Variants in DMD observed in about 807,000 individuals in gnomAD.
DMD encodes dystrophin.
A neutral mutation model predicts 330.1 loss-of-function variants in DMD; 63 were observed. The observed-to-expected ratio is 0.19, with a 90% CI of 0.16 to 0.24. DMD has a LOEUF of 0.24. DMD is among the 10% of genes least tolerant of loss of function. The pLI is 1.00. For missense variants in DMD, 3,344 were observed against 2,684.1 expected, an observed-to-expected ratio of 1.25 and a Z score of -5.43; for synonymous variants, 1,223 against 959.8, an observed-to-expected ratio of 1.27 and a Z score of -5.07.
intron 9 of DMD, among the ~76,000 whole-genome samples, chrX:32,650,214 TG>T (rs1464045349): frequency 4.5e-5 from 5 of 111,992 alleles, no homozygotes; most frequent in Non-Finnish European, 9.4e-5. Context: ...ACTGATAAAA[TG>T]GATTTTGGCA....
At position 32,147,120 on chromosome X, in the gene DMD, T is replaced by C. The variant is rs1437462883; in HGVS notation, c.6438+69796A>G. ...TAGCATACTGTAATAAACATCCATA[T>C]ACCCACCATGCAGATCCCAGCAATT... is the stretch of plus-strand genomic sequence containing the variant. On this transcript the variant is annotated intron_variant, in intron 44 of 78. Transcript: ENST00000357033. 1.5e-4 allele frequency among the ~76,000 whole-genome samples: 17 copies of C among 111,833 alleles called. No homozygotes were observed. In the Admixed American group the frequency reaches 1.5e-3, roughly 10 times the overall value.
At position 31,830,542 on chromosome X, in the gene DMD, C is replaced by T. The variant is rs774554353; in HGVS notation, c.7200+6176G>A. ...CTGGGAGGTGTAGGTTGCGGTGAGC[C>T]GAGATCGCGCCACCGCACTCCAGCC... On this transcript the variant is annotated intron_variant, in intron 49 of 78. Transcript: ENST00000357033. 1.8e-4 allele frequency among the ~76,000 whole-genome samples: 20 copies of T among 110,226 alleles called. No homozygotes were observed. In the South Asian group the frequency reaches 6.5e-3, roughly 36 times the overall value.
At position 32,969,698 on chromosome X, in the gene DMD, T is replaced by C. The variant is rs1295748308; in HGVS notation, c.93+50441A>G. On this transcript the variant is annotated intron_variant, in intron 2 of 78. Coordinates refer to ENST00000357033, the MANE Select transcript of DMD (RefSeq NM_004006.3). ...GCACATATGTATGTACATGTATGTA[T>C]GCATACATATGCACATATATATGTT... is the stretch of plus-strand genomic sequence containing the variant. Among the ~76,000 whole-genome samples, 54 of 94,985 alleles carry C rather than the reference T, an allele frequency of 5.7e-4. 17 individuals carry two copies. Among genetic ancestry groups the C allele is most frequent in the African/African-American group, 2.5e-3 (52 of 21,126 alleles). The allele number at this position is 94,985 out of a possible 115,157, so 82.5% of individuals were successfully genotyped here.
intron 2 of DMD, among the ~76,000 whole-genome samples, chrX:32,856,399 G>T (rs1026090570): frequency 8.9e-6 from 1 of 111,859 alleles, no homozygotes; most frequent in Non-Finnish European, 1.9e-5. Context: ...CCAAGATTTG[G>T]AAGCAATCCA....
At chrX:31,272,559 A>G (rs2051728282) in intron 62 of DMD, among the ~76,000 whole-genome samples, 1 of 112,579 alleles carries the variant, frequency 8.9e-6, no homozygotes, top group Admixed American at 9.4e-5. Flanking sequence ...TCAGCTACAA[A>G]TAAGGCTTTG....
intron 1 of DMD, among the ~76,000 whole-genome samples, chrX:33,280,039 G>A (rs766112002): frequency 1.0e-5 from 1 of 96,986 alleles, no homozygotes; most frequent in African/African-American, 3.8e-5. Context: ...TGAGAGTGCA[G>A]TGGTATGATC....
intron 63 of DMD, among the ~76,000 whole-genome samples, chrX:31,256,833 CTAAG>C (rs1175584674): frequency 1.8e-5 from 2 of 109,077 alleles, no homozygotes; most frequent in Non-Finnish European, 3.8e-5. Flanking sequence ...TATAGAGACA[CTAAG>C]TAAGAAATGG....
intron 13 of DMD, among the ~76,000 whole-genome samples, chrX:32,594,589 T>C (rs1457534942): frequency 9.0e-6 from 1 of 111,470 alleles, no homozygotes; most frequent in Non-Finnish European, 1.9e-5. Context: ...GTATTAAACA[T>C]ATTAAAGTCC....
At chrX:33,118,639 T>A (rs747373570) in intron 1 of DMD, among the ~76,000 whole-genome samples, 5 of 111,866 alleles carry the variant, frequency 4.5e-5, no homozygotes, top group Non-Finnish European at 9.4e-5. Flanking sequence ...GGATTAGCGA[T>A]AAAATTAATG....
intron 44 of DMD, among the ~76,000 whole-genome samples, chrX:32,127,161 G>C (rs1220128869): frequency 9.0e-6 from 1 of 111,509 alleles, no homozygotes; most frequent in Non-Finnish European, 1.9e-5. Flanking sequence ...CATGTCCCTA[G>C]GATGACCCTA....
chrX:32,831,462 T>C (rs2148897826), intron 4 of DMD, among the ~76,000 whole-genome samples: 1 of 110,865 alleles, frequency 9.0e-6, no homozygotes, highest in South Asian at 3.7e-4. Context: ...GAAAGAAGAA[T>C]AGCAGACTAG....
At chrX:33,097,122 A>C (rs1158465928) in intron 1 of DMD, among the ~76,000 whole-genome samples, 1 of 111,448 alleles carries the variant, frequency 9.0e-6, no homozygotes, top group Non-Finnish European at 1.9e-5. Flanking sequence ...CAGTTGAGAG[A>C]ATGAGCTGGA....
chrX:31,503,067 T>C (rs1440685184), intron 56 of DMD, among the ~76,000 whole-genome samples: 1 of 111,991 alleles, frequency 8.9e-6, no homozygotes, highest in Non-Finnish European at 1.9e-5. Context: ...ACATGTGATG[T>C]AATAATGCAT....
At chrX:32,934,967 G>A (rs1569543799) in intron 2 of DMD, among the ~76,000 whole-genome samples, 1 of 112,714 alleles carries the variant, frequency 8.9e-6, no homozygotes, top group Non-Finnish European at 1.9e-5. Context: ...CTAATACAAG[G>A]GTCAGCACAC....
At chrX:32,682,766 A>G (rs997807822) in intron 9 of DMD, among the ~76,000 whole-genome samples, 1 of 111,872 alleles carries the variant, frequency 8.9e-6, no homozygotes, top group Non-Finnish European at 1.9e-5. Context: ...TATATTTCTT[A>G]GTTCTAAGTT....
chrX:32,452,304 G>GGAAAGTGAAAGT lies in DMD; in HGVS notation c.3603+2346_3603+2357dup, dbSNP rs1194944157. Among the ~76,000 whole-genome samples, 26 of 23,807 alleles carry GGAAAGTGAAAGT rather than the reference G, an allele frequency of 1.1e-3. 2 individuals are homozygous for GGAAAGTGAAAGT. The highest frequency in any genetic ancestry group is 1.4e-3 in the Non-Finnish European group (21 of 14,510). 20.7% of individuals were successfully genotyped at this position (23,807 alleles called of 115,157 possible). ...AAAAGAAAGGAAAGGAAAAGGAAAG[G>GGAAAGTGAAAGT]GAAAGTGAAAGTGAAAGTGAAAGTG... is the stretch of plus-strand genomic sequence containing the variant. On this transcript the variant is annotated intron_variant, in intron 26 of 78. Transcript: ENST00000357033.
chrX:31,135,303 T>C (rs1360201165), intron 76 of DMD, among the ~76,000 whole-genome samples: 1 of 111,813 alleles, frequency 8.9e-6, no homozygotes, highest in Non-Finnish European at 1.9e-5. Context: ...TTTTGACATT[T>C]AACCAAAAAT....
intron 51 of DMD, among the ~76,000 whole-genome samples, chrX:31,764,021 C>T (rs2089821054): frequency 9.0e-6 from 1 of 110,708 alleles, no homozygotes; most frequent in Admixed American, 9.7e-5. Flanking sequence ...GGCTACAAGC[C>T]CACACCATCA....
intron 9 of DMD, among the ~76,000 whole-genome samples, chrX:32,684,020 C>CACAT (rs1556916741): frequency 2.7e-5 from 2 of 73,562 alleles, no homozygotes; most frequent in African/African-American, 2.1e-4. Context: ...CACATACATA[C>CACAT]ACACACACAC....
Sources: gnomAD v4.1 joint callset for allele counts (sites outside exome capture counted in the v4.1 genomes callset) on GRCh38, gnomAD v4.1.1 for gene constraint, MANE v1.5 for transcripts, NCBI Gene and HGNC (gene_info 2026-07-23, HGNC 2026-07-21) for gene names.